The following EPHA7 variants were observed in gnomAD, a reference collection of about 807,000 sequenced individuals.
The protein encoded by EPHA7 is EPH receptor A7.
Under a neutral mutation model 112.6 loss-of-function variants are expected in EPHA7, and 25 were observed. That is an observed-to-expected ratio of 0.22 (90% CI 0.16 to 0.31). EPHA7 has a LOEUF of 0.31. EPHA7 is among the 10% of genes least tolerant of loss of function. The pLI, the probability that EPHA7 is intolerant of heterozygous loss-of-function variation, is 1.00. For synonymous variants in EPHA7, 437 were observed against 406.5 expected (o/e 1.07, Z -0.90); for missense variants, 962 against 1,212.6 (o/e 0.79, Z 3.07).
At chr6:93,260,883 A>C in intron 9 of EPHA7, 1 of 335,032 alleles carries the variant, frequency 3.0e-6, no homozygotes, top group Non-Finnish European at 4.2e-6. Flanking sequence ...AAAAAGAGAG[A>C]AGGGAAGAAA....
chr6:93,305,336 A>C (rs1465029456), intron 5 of EPHA7, among the ~76,000 whole-genome samples: 1 of 151,934 alleles, frequency 6.6e-6, no homozygotes, highest in East Asian at 1.9e-4. Context: ...AAAAAAAAAA[A>C]GTAAGAGGCT....
chr6:93,302,820 AT>A (rs2127851876), intron 5 of EPHA7, among the ~76,000 whole-genome samples: 1 of 138,820 alleles, frequency 7.2e-6, no homozygotes, highest in South Asian at 2.4e-4. Context: ...ACCTGGAGTC[AT>A]GGAAGAGAAA....
intron 2 of EPHA7, among the ~76,000 whole-genome samples, chr6:93,413,999 G>A (rs1779102308): frequency 6.6e-6 from 1 of 151,794 alleles, no homozygotes; most frequent in Admixed American, 6.6e-5. Context: ...AATAAGATCT[G>A]AAGACACGGA....
chr6:93,322,005 C>T (rs778270084), intron 5 of EPHA7, among the ~76,000 whole-genome samples: 8 of 151,792 alleles, frequency 5.3e-5, no homozygotes, highest in African/African-American at 1.9e-4. Flanking sequence ...ATACTACTTA[C>T]GTTATAGAGC....
chr6:93,255,447 T>C (rs1268201364), intron 13 of EPHA7, among the ~76,000 whole-genome samples: 1 of 152,162 alleles, frequency 6.6e-6, no homozygotes, highest in South Asian at 2.1e-4. Flanking sequence ...CATTCTCACA[T>C]ATTTTCTTTT....
chr6:93,382,163 T>C (rs2127972005), intron 3 of EPHA7, among the ~76,000 whole-genome samples: 1 of 152,224 alleles, frequency 6.6e-6, no homozygotes, highest in South Asian at 2.1e-4. Flanking sequence ...TGTAGACGAG[T>C]GGTCCCCAAC....
intron 5 of EPHA7, among the ~76,000 whole-genome samples, chr6:93,290,701 G>C (rs1772314876): frequency 6.6e-6 from 1 of 151,996 alleles, no homozygotes; most frequent in Non-Finnish European, 1.5e-5. Context: ...ACCAAGGTTT[G>C]GCAGTAATGT....
At chr6:93,294,066 CA>C (rs1772526358) in intron 5 of EPHA7, among the ~76,000 whole-genome samples, 1 of 152,076 alleles carries the variant, frequency 6.6e-6, no homozygotes, top group African/African-American at 2.4e-5. Flanking sequence ...AGATAAAGCC[CA>C]ATTTACAAAT....
intron 5 of EPHA7, among the ~76,000 whole-genome samples, chr6:93,311,266 T>C (rs1773527606): frequency 6.6e-6 from 1 of 151,886 alleles, no homozygotes; most frequent in Non-Finnish European, 1.5e-5. Flanking sequence ...GTGATGCTGT[T>C]TGATAACAAT....
intron 5 of EPHA7, among the ~76,000 whole-genome samples, chr6:93,342,215 C>A (rs2127922480): frequency 6.6e-6 from 1 of 151,976 alleles, no homozygotes; most frequent in African/African-American, 2.4e-5. Flanking sequence ...TAACTTGAAG[C>A]AAGTCTTTCC....
At chr6:93,276,400 A>C (rs1771472452) in intron 5 of EPHA7, among the ~76,000 whole-genome samples, 1 of 152,032 alleles carries the variant, frequency 6.6e-6, no homozygotes, top group South Asian at 2.1e-4. Context: ...CTATCAGAGC[A>C]AAGAATTTGA....
At chr6:93,298,205 T>C (rs1309485631) in intron 5 of EPHA7, among the ~76,000 whole-genome samples, 1 of 152,142 alleles carries the variant, frequency 6.6e-6, no homozygotes, top group Non-Finnish European at 1.5e-5. Context: ...AGGATGCGTT[T>C]AATAATAAAG....
intron 3 of EPHA7, among the ~76,000 whole-genome samples, chr6:93,397,445 T>C (rs2127986584): frequency 6.6e-6 from 1 of 152,052 alleles, no homozygotes; most frequent in South Asian, 2.1e-4. Context: ...TCTTAATTGA[T>C]AAATATGGTC....
intron 12 of EPHA7, among the ~76,000 whole-genome samples, chr6:93,256,614 C>T (rs1330945508): frequency 6.6e-6 from 1 of 152,062 alleles, no homozygotes; most frequent in East Asian, 1.9e-4. Flanking sequence ...GACAGATGTA[C>T]TAGCAAATGG....
At chr6:93,274,607 C>T (rs566789645) in intron 5 of EPHA7, among the ~76,000 whole-genome samples, 3 of 151,960 alleles carry the variant, frequency 2.0e-5, no homozygotes, top group Non-Finnish European at 2.9e-5. Flanking sequence ...GAATATACTC[C>T]TGAATTCTTC....
Position 93,243,543 on chromosome 6 carries a change from G to A in EPHA7, c.2883-3C>T. ...TGATCCCTAAACTCATCACATCCCT[G>A]AAAAAGACAAATGCACTTTTTATTA... On this transcript the variant is annotated splice_region_variant and splice_polypyrimidine_tract_variant and intron_variant, in intron 16 of 16. Transcript: ENST00000369303. 1 of 1,604,696 alleles carries A rather than the reference G, an allele frequency of 6.2e-7. No individual in the cohort carries two copies. The highest frequency in any genetic ancestry group is 8.5e-7 in the Non-Finnish European group (1 of 1,171,824).
chr6:93,264,459 T>G (rs1019550194), intron 8 of EPHA7, 135 bp downstream of exon 8: 1 of 509,640 alleles, frequency 2.0e-6, no homozygotes, highest in Non-Finnish European at 3.5e-6. Flanking sequence ...TGACACATTA[T>G]TGACCTTTAA....
intron 5 of EPHA7, among the ~76,000 whole-genome samples, chr6:93,274,414 C>A (rs562911418): frequency 6.6e-6 from 1 of 151,938 alleles, no homozygotes; most frequent in South Asian, 2.1e-4. Flanking sequence ...ACTAAAATTA[C>A]ATTCATTATT....
chr6:93,266,880 G>A (rs1410525467), intron 7 of EPHA7, among the ~76,000 whole-genome samples: 1 of 151,672 alleles, frequency 6.6e-6, no homozygotes, highest in African/African-American at 2.4e-5. Flanking sequence ...TCTTAGCATA[G>A]TACCTTATGC....
Sources: allele counts gnomAD v4.1 joint callset (sites outside exome capture counted in the v4.1 genomes callset), GRCh38; gene constraint gnomAD v4.1.1; transcripts MANE v1.5; gene names NCBI Gene and HGNC (gene_info 2026-07-23, HGNC 2026-07-21).